HLF: variants seen among roughly 807,000 people sequenced by gnomAD.
The protein encoded by HLF is hepatic leukemia factor.
A neutral mutation model predicts 22.6 loss-of-function variants in HLF; 3 were observed. The ratio of observed to expected loss-of-function variants is 0.13; its 90% CI spans 0.06 to 0.34. The LOEUF is 0.34. HLF is among the 10% of genes least tolerant of loss of function. The probability of loss-of-function intolerance (pLI) is 1.00; values close to 1 mark genes in which losing one functional copy is unlikely to be tolerated. For missense variants in HLF, 299 were observed against 389.2 expected (o/e 0.77, Z 1.95); for synonymous variants, 151 against 151.8 (o/e 0.99, Z 0.04).
At position 55,320,822 on chromosome 17, in the gene HLF, G is replaced by C. The variant is rs1244584520; in HGVS notation, c.831G>C (p.Glu277Asp). Residue 277 changes from glutamate (E) to aspartate (D), a missense_variant, in exon 4 of 4, where the codon GAG (glutamate) becomes GAC (aspartate). Glu to Asp is a conservative substitution (Grantham distance 45, BLOSUM62 2). Transcript: ENST00000226067. The surrounding 1 kb of genome is among the most constrained non-coding windows in gnomAD (Gnocchi z 4.2). ...AGGAGGTGGCTGACTTGAGGAAGGAGCTGGGCAAATGCAAGAACATACTTG... is the reference window on the plus strand; with the variant it reads ...AGGAGGTGGCTGACTTGAGGAAGGACCTGGGCAAATGCAAGAACATACTTG... ...LRQEVADLRK[E>D]LGKCKNILAK... 7.4e-6 allele frequency: 12 copies of C among 1,613,792 alleles called. No individual in the cohort carries two copies. The highest frequency in any genetic ancestry group is 9.3e-6 in the Non-Finnish European group (11 of 1,179,960).
intron 2 of HLF, among the ~76,000 whole-genome samples, chr17:55,279,266 G>C (rs1364060499): frequency 6.6e-6 from 1 of 152,288 alleles, no homozygotes; most frequent in South Asian, 2.1e-4. Flanking sequence ...CTGATGACAG[G>C]AAGATTCAGT....
At chr17:55,279,049 T>C (rs1236051780) in intron 2 of HLF, among the ~76,000 whole-genome samples, 1 of 152,232 alleles carries the variant, frequency 6.6e-6, no homozygotes, top group Admixed American at 6.5e-5. Context: ...TTGATTTCTT[T>C]GTATTAGTAC....
At chr17:55,267,045 A>C (rs1472813132) in intron 1 of HLF, among the ~76,000 whole-genome samples, 1 of 152,204 alleles carries the variant, frequency 6.6e-6, no homozygotes, top group African/African-American at 2.4e-5. Flanking sequence ...AGTGTGCCCC[A>C]GTGGCTTTAG....
At chr17:55,303,144 G>A (rs886677950) in intron 2 of HLF, among the ~76,000 whole-genome samples, 2 of 152,228 alleles carry the variant, frequency 1.3e-5, no homozygotes, top group African/African-American at 2.4e-5. Flanking sequence ...AGGGATATGA[G>A]AAGGGGCTGA....
chr17:55,270,691 C>T lies in HLF; in HGVS notation c.451+2605C>T, dbSNP rs371512507. Among the ~76,000 whole-genome samples, 271 of 137,170 alleles carry T rather than the reference C, an allele frequency of 2.0e-3. 1 individual carries two copies. Among genetic ancestry groups the T allele is most frequent in the African/African-American group, 6.5e-3 (233 of 35,934 alleles). 90.0% of individuals were successfully genotyped at this position (137,170 alleles called of 152,430 possible). The stretch of plus-strand genomic sequence containing the variant: ...TTTTTTTTTTTTTGAGACGGAGTCT[C>T]GCTCTGTCGCCCAGGCTGGAGTGCA... On this transcript the variant is annotated intron_variant, in intron 2 of 3. Coordinates refer to ENST00000226067, the MANE Select transcript of HLF (RefSeq NM_002126.5).
At chr17:55,292,333 A>G (rs767953190) in intron 2 of HLF, among the ~76,000 whole-genome samples, 1 of 152,138 alleles carries the variant, frequency 6.6e-6, no homozygotes. Context: ...AACCACCCCA[A>G]CCTTCAGCAA....
chr17:55,284,855 T>C lies in HLF; in HGVS notation c.451+16769T>C, dbSNP rs1039713718. ...TTGAAAGTCCGGAGATTAAGTCATA[T>C]GTTGAAAGAGGGCCCAGTGAGCAGG... On this transcript the variant is annotated intron_variant, in intron 2 of 3. Coordinates refer to ENST00000226067, the MANE Select transcript of HLF (RefSeq NM_002126.5). 3.3e-5 allele frequency among the ~76,000 whole-genome samples: 5 copies of C among 152,220 alleles called. No individual in the cohort carries two copies. The South Asian group carries it at 6.2e-4, about 19-fold the overall frequency.
intron 2 of HLF, among the ~76,000 whole-genome samples, chr17:55,290,820 A>C (rs2081055089): frequency 6.6e-6 from 1 of 152,224 alleles, no homozygotes; most frequent in African/African-American, 2.4e-5. Flanking sequence ...AGTTAGCTGC[A>C]TTGTGAATGC....
intron 2 of HLF, among the ~76,000 whole-genome samples, chr17:55,298,832 G>A (rs1404202198): frequency 6.6e-6 from 1 of 152,216 alleles, no homozygotes; most frequent in African/African-American, 2.4e-5. Flanking sequence ...AAACTTGAGT[G>A]TATGCCTTTT....
chr17:55,288,934 A>T, intron 2 of HLF: 2 of 985,358 alleles, frequency 2.0e-6, no homozygotes, highest in Non-Finnish European at 2.4e-6. Context: ...ATCACCTGTA[A>T]GAGTTCTTAA....
intron 2 of HLF, among the ~76,000 whole-genome samples, chr17:55,294,825 A>G (rs1351413606): frequency 6.6e-6 from 1 of 151,886 alleles, no homozygotes; most frequent in Admixed American, 6.5e-5. Flanking sequence ...GGACCTTTCT[A>G]TATCCTCCCT....
At chr17:55,267,575 G>A (rs1567809191) in intron 1 of HLF, 176 bp from the exon 2 acceptor site, 6 of 540,378 alleles carry the variant, frequency 1.1e-5, no homozygotes, top group Non-Finnish European at 1.6e-5. Flanking sequence ...AAAACAGGCA[G>A]AGATCCACGT....
chr17:55,305,919 T>A (rs1009435050), intron 2 of HLF, among the ~76,000 whole-genome samples: 17 of 152,258 alleles, frequency 1.1e-4, no homozygotes, highest in African/African-American at 3.9e-4. Context: ...GGGCAAATTA[T>A]TTAGCATATC....
rs369497255 is a variant in HLF, at chr17:55,270,853, G to A, written c.451+2767G>A. Among the ~76,000 whole-genome samples the A allele has an allele frequency of 5.9e-5, 9 of 151,922 alleles. No homozygotes were observed. The South Asian group carries it at 6.3e-4, about 11-fold the overall frequency. On this transcript the variant is annotated intron_variant, in intron 2 of 3. Transcript: ENST00000226067. ...GAGACGGGGTTTCACCGTTTTAGCC[G>A]GGATGGTCTCGATCGCCTGACCTCG...
chr17:55,289,797 A>G (rs1041691559), intron 2 of HLF, among the ~76,000 whole-genome samples: 2 of 152,140 alleles, frequency 1.3e-5, no homozygotes, highest in African/African-American at 4.8e-5. Context: ...AAAGAAATGC[A>G]TTTAGTTCGT....
chr17:55,316,964 TG>T lies in HLF; in HGVS notation c.672+1518del, dbSNP rs1265887899. The stretch of plus-strand genomic sequence containing the variant: ...TTCTTAGTGATCCAATTTTTTATGG[TG>T]TTTTTTTTTTTTTTTTTTTTGAGAT... On this transcript the variant is annotated intron_variant, in intron 3 of 3. Coordinates refer to ENST00000226067, the MANE Select transcript of HLF (RefSeq NM_002126.5). Among the ~76,000 whole-genome samples the T allele has an allele frequency of 1.3e-4, 14 of 104,126 alleles. 1 individual carries two copies. Among genetic ancestry groups the T allele is most frequent in the Middle Eastern group, 8.1e-3 (2 of 246 alleles). 68.3% of individuals were successfully genotyped at this position (104,126 alleles called of 152,430 possible).
At chr17:55,300,507 C>G (rs764294663) in intron 2 of HLF, among the ~76,000 whole-genome samples, 1 of 152,208 alleles carries the variant, frequency 6.6e-6, no homozygotes, top group Non-Finnish European at 1.5e-5. Flanking sequence ...ATCTGGGCAT[C>G]TGAAACTCAA....
intron 2 of HLF, among the ~76,000 whole-genome samples, chr17:55,269,279 T>C (rs945938169): frequency 1.3e-5 from 2 of 152,204 alleles, no homozygotes; most frequent in African/African-American, 4.8e-5. Flanking sequence ...CTTTGAATTA[T>C]AACTCAAGGC....
chr17:55,268,677 T>G (rs1402048777), intron 2 of HLF, among the ~76,000 whole-genome samples: 1 of 152,206 alleles, frequency 6.6e-6, no homozygotes, highest in African/African-American at 2.4e-5. Flanking sequence ...TTTCTGAGCC[T>G]TCTTCAGGAC....
Sources: allele counts gnomAD v4.1 joint callset (sites outside exome capture counted in the v4.1 genomes callset), GRCh38; gene constraint gnomAD v4.1.1; non-coding constraint Gnocchi (gnomAD v3.1); transcripts MANE v1.5; gene names NCBI Gene and HGNC (gene_info 2026-07-23, HGNC 2026-07-21).